SERINC5: variants seen among roughly 807,000 people sequenced by gnomAD.
SERINC5 encodes serine incorporator 5.
SERINC5 carries 41 observed loss-of-function variants against 63.1 expected under a neutral mutation model. The observed-to-expected ratio is 0.65, with a 90% CI of 0.51 to 0.84. The LOEUF (loss-of-function observed/expected upper bound fraction) is 0.84. Among genes scored for constraint, SERINC5 ranks in the 40% least tolerant of loss-of-function variants. The pLI is 0.00. For synonymous variants in SERINC5, 222 were observed against 215.2 expected (o/e 1.03, Z -0.28); for missense variants, 523 against 573.0 (o/e 0.91, Z 0.89).
intron 11 of SERINC5, among the ~76,000 whole-genome samples, chr5:80,145,269 A>G (rs974312183): frequency 1.3e-5 from 2 of 151,916 alleles, no homozygotes; most frequent in Admixed American, 1.3e-4. Context: ...ACTTGAACCC[A>G]GGGGCGGAGG....
intron 1 of SERINC5, among the ~76,000 whole-genome samples, chr5:80,220,669 C>A (rs17200389): frequency 7.2e-5 from 11 of 152,008 alleles, no homozygotes; most frequent in Non-Finnish European, 4.4e-5. Context: ...CTGATTGATG[C>A]CGCCTCTGAG....
intron 1 of SERINC5, among the ~76,000 whole-genome samples, chr5:80,207,649 A>G (rs1750237426): frequency 6.6e-6 from 1 of 152,174 alleles, no homozygotes; most frequent in African/African-American, 2.4e-5. Context: ...TACTCTATAC[A>G]GTGCTATGGT....
Position 80,143,596 on chromosome 5 carries a change from G to T in SERINC5, c.*67C>A, listed in dbSNP as rs985593587. 1.3e-6 allele frequency: 2 copies of T among 1,506,078 alleles called. No homozygotes were observed. The highest frequency in any genetic ancestry group is 1.4e-5 in the African/African-American group (1 of 72,486). The allele number at this position is 1,506,078 out of a possible 1,614,324, so 93.3% of individuals were successfully genotyped here. A position where few individuals can be genotyped will look rare whatever the true frequency, so the allele number is the denominator to read the frequency against. ...ACAGGGCGCCAGTCCCTGCCCCGGG[G>T]ACACTGTTCAAAAGATGGCACTTTC... On this transcript the variant is annotated 3_prime_UTR_variant, in exon 12 of 12. Transcript: ENST00000507668.
downstream of SERINC5, among the ~76,000 whole-genome samples, chr5:80,137,860 G>T (rs1384964841): frequency 6.6e-6 from 1 of 152,068 alleles, no homozygotes; most frequent in Non-Finnish European, 1.5e-5. Flanking sequence ...AGGATTGCTT[G>T]AGTCCAAGAA....
intron 8 of SERINC5, among the ~76,000 whole-genome samples, chr5:80,155,172 C>A (rs758131092): frequency 9.9e-5 from 15 of 152,166 alleles, no homozygotes; most frequent in Non-Finnish European, 2.1e-4. Context: ...CAATCAAAAT[C>A]CAGAGACCAA....
At chr5:80,212,437 G>A (rs575496615) in intron 1 of SERINC5, among the ~76,000 whole-genome samples, 1 of 152,250 alleles carries the variant, frequency 6.6e-6, no homozygotes, top group Admixed American at 6.5e-5. Context: ...CATGCCGTGT[G>A]AGGGCCTCCT....
Position 80,196,022 on chromosome 5 carries a change from C to CTTGCATATTA in SERINC5, c.195+6863_195+6864insTAATATGCAA, listed in dbSNP as rs1423747457. Among the ~76,000 whole-genome samples the CTTGCATATTA allele has an allele frequency of 2.0e-5, 3 of 152,216 alleles. No homozygotes were observed. The South Asian group carries it at 6.2e-4, about 32-fold the overall frequency. ...AACAAGGTAAGTGTAATATGCAACA[C>CTTGCATATTA]CAGGGAGGGTGGCATGGCCAAATCA... On this transcript the variant is annotated intron_variant, in intron 2 of 11. Transcript: ENST00000507668.
At chr5:80,154,613 CA>C (rs1413730153) in intron 8 of SERINC5, among the ~76,000 whole-genome samples, 1 of 151,972 alleles carries the variant, frequency 6.6e-6, no homozygotes. Flanking sequence ...CATAAAGGCC[CA>C]GAATGTACCA....
chr5:80,182,544 G>GC (rs766981697), intron 2 of SERINC5, among the ~76,000 whole-genome samples: 1,961 of 29,318 alleles, frequency 0.067, 94 homozygotes, highest in African/African-American at 0.077. Context: ...TCATCTGACC[G>GC]CCCCCCCCCC....
At chr5:80,184,604 G>C (rs1229415095) in intron 2 of SERINC5, among the ~76,000 whole-genome samples, 1 of 152,120 alleles carries the variant, frequency 6.6e-6, no homozygotes, top group Non-Finnish European at 1.5e-5. Flanking sequence ...ATACTCTGTG[G>C]GTGACTTAGC....
intron 7 of SERINC5, among the ~76,000 whole-genome samples, chr5:80,165,944 C>A (rs369124194): frequency 6.6e-6 from 1 of 151,996 alleles, no homozygotes; most frequent in African/African-American, 2.4e-5. Flanking sequence ...ACATTTCTAA[C>A]GTTTATTTTT....
chr5:80,134,202 T>C (rs774517348), downstream of SERINC5, among the ~76,000 whole-genome samples: 1 of 152,144 alleles, frequency 6.6e-6, no homozygotes, highest in African/African-American at 2.4e-5. Flanking sequence ...AGTTAAACTA[T>C]AGGCCGGGCG....
At chr5:80,214,665 G>A (rs1224795587) in intron 1 of SERINC5, among the ~76,000 whole-genome samples, 1 of 152,212 alleles carries the variant, frequency 6.6e-6, no homozygotes, top group Non-Finnish European at 1.5e-5. Context: ...GGGAGGCCAA[G>A]GCAGGCGGAT....
chr5:80,148,138 G>C (rs1745938131), intron 9 of SERINC5, among the ~76,000 whole-genome samples: 1 of 151,594 alleles, frequency 6.6e-6, no homozygotes, highest in Admixed American at 6.6e-5. Flanking sequence ...GGCAGGGATG[G>C]AGGGAATGCT....
chr5:80,169,190 A>C, intron 6 of SERINC5, 145 bp downstream of exon 6: 1 of 650,746 alleles, frequency 1.5e-6, no homozygotes, highest in Non-Finnish European at 2.7e-6. Flanking sequence ...CTGGAGCCCC[A>C]CCTTGCCTAC....
chr5:80,195,949 A>G (rs1190851675), intron 2 of SERINC5, among the ~76,000 whole-genome samples: 1 of 152,210 alleles, frequency 6.6e-6, no homozygotes, highest in Non-Finnish European at 1.5e-5. Context: ...TTATCTGGAG[A>G]AAGAAGTCTG....
rs1279861335 is a variant in SERINC5 at position 80,169,345 on chromosome 5, C to G, written c.753G>C (p.Trp251Cys). 6.2e-7 allele frequency: 1 copy of G among 1,613,562 alleles called. No individual in the cohort carries two copies. Among genetic ancestry groups the G allele is most frequent in the Non-Finnish European group, 8.5e-7 (1 of 1,179,716 alleles). ...LLISLVAISP[W>C]VQNRQPHSGL... ...AAAAAACATGCTTACGATTTTGGACCCAGGGTGAGATGGCTACCAATGATA... is the reference window on the plus strand; with the variant it reads ...AAAAAACATGCTTACGATTTTGGACGCAGGGTGAGATGGCTACCAATGATA... The change falls in exon 6 of 12, where the codon TGG becomes TGC. Residue 251 changes from tryptophan to cysteine, a missense_variant. By Grantham distance (215) the Trp-to-Cys change is radical. Coordinates refer to ENST00000507668, the MANE Select transcript of SERINC5 (RefSeq NM_001174072.3).
rs1353795785 is a variant in SERINC5 at position 80,142,089 on chromosome 5, G to A, written c.*1574C>T. On this transcript the variant is annotated 3_prime_UTR_variant, in exon 12 of 12. Transcript: ENST00000507668. ...GCACAGAAAAAAATGACTAGGCTGA[G>A]CCTTTTATTCTTAGATCCTCACTTA... 7 of 985,250 alleles carry A rather than the reference G, an allele frequency of 7.1e-6. No individual in the cohort carries two copies. The highest frequency in any genetic ancestry group is 8.4e-6 in the Non-Finnish European group (7 of 829,912). The allele number at this position is 985,250 out of a possible 1,614,324, so 61.0% of individuals were successfully genotyped here. A position where few individuals can be genotyped will look rare whatever the true frequency, so the allele number is the denominator to read the frequency against.
intron 1 of SERINC5, among the ~76,000 whole-genome samples, chr5:80,246,601 A>T (rs1412237254): frequency 6.6e-6 from 1 of 152,212 alleles, no homozygotes; most frequent in Non-Finnish European, 1.5e-5. Flanking sequence ...TCTTTCCACA[A>T]CAGCTGCTTT....
Sources: gnomAD v4.1 joint callset for allele counts (sites outside exome capture counted in the v4.1 genomes callset) on GRCh38, gnomAD v4.1.1 for gene constraint, MANE v1.5 for transcripts, NCBI Gene and HGNC (gene_info 2026-07-23, HGNC 2026-07-21) for gene names.